KCNMA1: variants seen among roughly 807,000 people sequenced by gnomAD.
The protein encoded by KCNMA1 is potassium calcium-activated channel subfamily M alpha 1.
In KCNMA1, 29 loss-of-function variants were observed where a neutral mutation model predicts 140.0. That is an observed-to-expected ratio of 0.21 (90% CI 0.15 to 0.28). The LOEUF is 0.28. Among genes scored for constraint, KCNMA1 ranks in the 10% least tolerant of loss-of-function variants. KCNMA1 has a pLI of 1.00. For missense variants in KCNMA1, 880 were observed against 1,602.2 expected, an observed-to-expected ratio of 0.55 and a Z score of 7.70; for synonymous variants, 612 against 611.9, an observed-to-expected ratio of 1.00 and a Z score of 0.00.
intron 12 of KCNMA1, among the ~76,000 whole-genome samples, chr10:77,081,163 T>C (rs2096556006): frequency 6.6e-6 from 1 of 152,138 alleles, no homozygotes; most frequent in African/African-American, 2.4e-5. Context: ...ACACGTGGGT[T>C]CCAGTCACAG....
At chr10:77,028,899 G>A (rs544432818) in intron 15 of KCNMA1, among the ~76,000 whole-genome samples, 1 of 152,238 alleles carries the variant, frequency 6.6e-6, no homozygotes, top group African/African-American at 2.4e-5. Context: ...TATGCTTAAA[G>A]ATTTTCAGAG....
At chr10:77,328,686 G>T (rs1363582214) in intron 2 of KCNMA1, among the ~76,000 whole-genome samples, 8 of 152,068 alleles carry the variant, frequency 5.3e-5, no homozygotes, top group Admixed American at 5.2e-4. Context: ...TGATGCAAAT[G>T]GTATCAACAA....
chr10:77,565,885 A>G (rs1273216498), intron 1 of KCNMA1, among the ~76,000 whole-genome samples: 1 of 151,908 alleles, frequency 6.6e-6, no homozygotes, highest in Non-Finnish European at 1.5e-5. Context: ...CCCCACATGA[A>G]TGCACCTCCC....
chr10:77,422,881 C>T (rs890391274), intron 1 of KCNMA1, among the ~76,000 whole-genome samples: 1 of 152,250 alleles, frequency 6.6e-6, no homozygotes, highest in Admixed American at 6.5e-5. Flanking sequence ...GCCCTGCTGA[C>T]ATCTTGATTT....
At chr10:77,088,975 A>T (rs1029613674) in intron 10 of KCNMA1, among the ~76,000 whole-genome samples, 6 of 152,186 alleles carry the variant, frequency 3.9e-5, no homozygotes, top group Admixed American at 6.5e-5. Flanking sequence ...GTTCATCTTG[A>T]AATGCCCAAC....
chr10:77,474,931 C>T (rs1181910947), intron 1 of KCNMA1, among the ~76,000 whole-genome samples: 10 of 152,082 alleles, frequency 6.6e-5, no homozygotes, highest in African/African-American at 1.9e-4. Flanking sequence ...AACAATTTTG[C>T]CCCTGGGTAG....
At chr10:77,061,063 G>A (rs974709096) in intron 14 of KCNMA1, among the ~76,000 whole-genome samples, 4 of 152,150 alleles carry the variant, frequency 2.6e-5, no homozygotes, top group Non-Finnish European at 4.4e-5. Flanking sequence ...GTAATTTATT[G>A]CAGTAGCCAT....
intron 1 of KCNMA1, among the ~76,000 whole-genome samples, chr10:77,406,111 T>G (rs1201442756): frequency 6.6e-6 from 1 of 152,172 alleles, no homozygotes; most frequent in African/African-American, 2.4e-5. Context: ...GGCTGCCTGC[T>G]GACATGTGTG....
chr10:77,064,062 G>A, intron 14 of KCNMA1: 1 of 985,346 alleles, frequency 1.0e-6, no homozygotes, highest in South Asian at 4.7e-5. Flanking sequence ...CTGTGTATAT[G>A]TTATGTAATC....
At chr10:76,944,671 A>G (rs2063456711) in intron 23 of KCNMA1, 102 bp downstream of exon 23, 13 of 1,091,334 alleles carry the variant, frequency 1.2e-5, no homozygotes, top group Non-Finnish European at 1.5e-5. Context: ...ACTGCCAGGC[A>G]GGCTGATGTG....
intron 15 of KCNMA1, among the ~76,000 whole-genome samples, chr10:77,036,857 C>G (rs562152386): frequency 2.0e-5 from 3 of 152,120 alleles, no homozygotes; most frequent in Non-Finnish European, 4.4e-5. Context: ...GATAATTAAG[C>G]CTCCAGATAA....
chr10:77,558,691 C>A (rs2065361720), intron 1 of KCNMA1, among the ~76,000 whole-genome samples: 1 of 152,156 alleles, frequency 6.6e-6, no homozygotes, highest in Non-Finnish European at 1.5e-5. Flanking sequence ...GCTGCCCCTG[C>A]CAGTTGAGAA....
At chr10:76,904,758 C>G (rs953548522) in intron 25 of KCNMA1, 9 of 152,248 alleles carry the variant, frequency 5.9e-5, no homozygotes, top group African/African-American at 2.2e-4. Flanking sequence ...AAATGGACAT[C>G]ATGTGCACAA....
intron 1 of KCNMA1, among the ~76,000 whole-genome samples, chr10:77,542,026 A>C (rs931039286): frequency 3.9e-5 from 6 of 152,140 alleles, no homozygotes; most frequent in Admixed American, 3.9e-4. Flanking sequence ...CTCCCCAAAA[A>C]TTTATATGTA....
chr10:76,982,462 C>T (rs550116319), intron 19 of KCNMA1, among the ~76,000 whole-genome samples: 20 of 152,030 alleles, frequency 1.3e-4, no homozygotes, highest in African/African-American at 4.8e-4. Flanking sequence ...TGATGCTGAA[C>T]AGACTAAGGA....
At chr10:77,060,767 C>A (rs1203797188) in intron 14 of KCNMA1, among the ~76,000 whole-genome samples, 2 of 152,138 alleles carry the variant, frequency 1.3e-5, no homozygotes, top group Non-Finnish European at 2.9e-5. Flanking sequence ...TAAATGTAAT[C>A]TCTATTGTCT....
chr10:77,143,270 A>G (rs2098221202), intron 5 of KCNMA1, among the ~76,000 whole-genome samples: 2 of 152,218 alleles, frequency 1.3e-5, no homozygotes, highest in African/African-American at 4.8e-5. Context: ...ATTGGTTTAA[A>G]AAATGAAAAT....
chr10:76,914,249 C>G (rs2051703830), intron 24 of KCNMA1: 2 of 770,960 alleles, frequency 2.6e-6, no homozygotes, highest in African/African-American at 1.7e-5. Flanking sequence ...GGACCCCGGA[C>G]CACAGGTAGT....
intron 6 of KCNMA1, among the ~76,000 whole-genome samples, chr10:77,117,419 G>A (rs2097501131): frequency 6.6e-6 from 1 of 151,354 alleles, no homozygotes; most frequent in African/African-American, 2.4e-5. Flanking sequence ...TGTGGTGGCA[G>A]GCACCTGTAA....
Sources: allele counts gnomAD v4.1 joint callset (sites outside exome capture counted in the v4.1 genomes callset), GRCh38; gene constraint gnomAD v4.1.1; transcripts MANE v1.5; gene names NCBI Gene and HGNC (gene_info 2026-07-23, HGNC 2026-07-21).